Variants in PDE6C observed in about 807,000 individuals in gnomAD.
PDE6C encodes the protein phosphodiesterase 6C.
Under a neutral mutation model 113.1 loss-of-function variants are expected in PDE6C, and 75 were observed. That is an observed-to-expected ratio of 0.66 (90% CI 0.55 to 0.80). The LOEUF (loss-of-function observed/expected upper bound fraction) is 0.80, where lower values mean the gene tolerates loss of function less well. PDE6C is among the 30% of genes least tolerant of loss of function. The pLI is 0.00. For synonymous variants in PDE6C, 375 were observed against 363.7 expected, an observed-to-expected ratio of 1.03 and a Z score of -0.35; for missense variants, 912 against 1,038.6, an observed-to-expected ratio of 0.88 and a Z score of 1.67.
In PDE6C at chr10:93,631,016, C is replaced by T. The variant is rs148679713; in HGVS notation, c.1119+1711C>T. On this transcript the variant is annotated intron_variant, in intron 8 of 21. Coordinates refer to ENST00000371447, the MANE Select transcript of PDE6C (RefSeq NM_006204.4). ...AGTCTGAACCTTAAGCAGTCATTGTCTAAACAGGGAGTGGGAATGGAGCTG... is the reference window on the plus strand; with the variant it reads ...AGTCTGAACCTTAAGCAGTCATTGTTTAAACAGGGAGTGGGAATGGAGCTG... 8.5e-5 allele frequency among the ~76,000 whole-genome samples: 13 copies of T among 152,344 alleles called. No individual in the cohort carries two copies. In the East Asian group the frequency reaches 2.5e-3, roughly 29 times the overall value.
intron 12 of PDE6C, 85 bp from the exon 13 acceptor site, chr10:93,640,365 A>C: frequency 7.9e-7 from 1 of 1,268,054 alleles, no homozygotes; most frequent in South Asian, 1.2e-5. Flanking sequence ...TACAAGACCA[A>C]CACATCTTTT....
At chr10:93,629,740 A>C (rs755270859) in intron 8 of PDE6C, among the ~76,000 whole-genome samples, 8 of 152,150 alleles carry the variant, frequency 5.3e-5, no homozygotes, top group Non-Finnish European at 1.2e-4. Context: ...AGTTCACAAG[A>C]GGGTTCACAC....
intron 8 of PDE6C, among the ~76,000 whole-genome samples, chr10:93,633,790 A>G (rs999231507): frequency 6.6e-6 from 1 of 152,236 alleles, no homozygotes; most frequent in Non-Finnish European, 1.5e-5. Context: ...TTAGCTAAAC[A>G]GGTGTTAGAA....
intron 21 of PDE6C, 22 bp from the exon 22 acceptor site, chr10:93,665,338 T>C (rs368354473): frequency 1.5e-5 from 23 of 1,584,002 alleles, no homozygotes; most frequent in Admixed American, 1.3e-4. Flanking sequence ...CCTAATAATA[T>C]TGCTTTCCTT....
At chr10:93,621,016 C>G (rs2058443381) in intron 3 of PDE6C, 36 bp downstream of exon 3, 4 of 1,558,244 alleles carry the variant, frequency 2.6e-6, no homozygotes, top group Non-Finnish European at 3.5e-6. Flanking sequence ...TCCATGCTGA[C>G]CTATTCTGAC....
intron 15 of PDE6C, among the ~76,000 whole-genome samples, chr10:93,654,951 G>A (rs766474761): frequency 1.3e-5 from 2 of 151,514 alleles, no homozygotes; most frequent in Non-Finnish European, 2.9e-5. Context: ...GGGACCCCAG[G>A]CACATACCAC....
Position 93,649,666 on chromosome 10 carries a change from G to A in PDE6C, c.1935+3619G>A, listed in dbSNP as rs529570921. 1.6e-4 allele frequency among the ~76,000 whole-genome samples: 25 copies of A among 152,226 alleles called. 1 individual carries two copies. The East Asian group carries it at 1.9e-3, about 12-fold the overall frequency. On this transcript the variant is annotated intron_variant, in intron 15 of 21. Coordinates refer to ENST00000371447, the MANE Select transcript of PDE6C (RefSeq NM_006204.4). ...GTTGCCCAGGCTGGAGTACAGTGGCGTGATCTCAACTCACTGCAACCTCCG... is the reference window on the plus strand; with the variant it reads ...GTTGCCCAGGCTGGAGTACAGTGGCATGATCTCAACTCACTGCAACCTCCG...
rs1375318560 is a variant in PDE6C, at chr10:93,620,885, C to G, written c.634-6C>G. 2 of 1,613,616 alleles carry G rather than the reference C, an allele frequency of 1.2e-6. No individual in the cohort carries two copies. The highest frequency in any genetic ancestry group is 1.7e-6 in the Non-Finnish European group (2 of 1,179,494). On this transcript the variant is annotated splice_region_variant and splice_polypyrimidine_tract_variant and intron_variant, in intron 2 of 21. Coordinates refer to ENST00000371447, the MANE Select transcript of PDE6C (RefSeq NM_006204.4). ...ACCATAACTTGTTATTCTCTGCCGT[C>G]TGTAGGTCTTTTCCAAATACCTCAA...
chr10:93,643,616 C>T (rs2058569665), intron 14 of PDE6C, among the ~76,000 whole-genome samples: 1 of 151,886 alleles, frequency 6.6e-6, no homozygotes, highest in Non-Finnish European at 1.5e-5. Context: ...GTGTTGAACT[C>T]CTGGGCTCAA....
At chr10:93,661,658 A>C (rs532423225) in intron 18 of PDE6C, among the ~76,000 whole-genome samples, 23 of 152,336 alleles carry the variant, frequency 1.5e-4, no homozygotes, top group African/African-American at 5.3e-4. Context: ...AATTAGGTAA[A>C]GCTACATACT....
chr10:93,664,888 G>A (rs950788675), intron 21 of PDE6C, among the ~76,000 whole-genome samples: 16 of 152,050 alleles, frequency 1.1e-4, no homozygotes, highest in African/African-American at 2.9e-4. Flanking sequence ...TTTTTGAGAC[G>A]GAGTCTCACT....
At chr10:93,653,647 A>AAAAAACAAAAAC (rs548310248) in intron 15 of PDE6C, among the ~76,000 whole-genome samples, 14 of 150,244 alleles carry the variant, frequency 9.3e-5, no homozygotes, top group African/African-American at 3.0e-4. Flanking sequence ...CCATCTCAAA[A>AAAAAACAAAAAC]AAAAACAAAA....
intron 20 of PDE6C, 113 bp downstream of exon 20, chr10:93,662,756 C>A: frequency 1.4e-6 from 1 of 705,420 alleles, no homozygotes; most frequent in Non-Finnish European, 2.6e-6. Flanking sequence ...TGGGGTATCA[C>A]TGTTTCTCCA....
Position 93,625,657 on chromosome 10 carries a change from C to A in PDE6C, c.939+8C>A, listed in dbSNP as rs757019766. 4.4e-6 allele frequency: 7 copies of A among 1,595,270 alleles called. No homozygotes were observed. The highest frequency in any genetic ancestry group is 5.2e-6 in the Non-Finnish European group (6 of 1,163,090). On this transcript the variant is annotated splice_region_variant and intron_variant, in intron 5 of 21. Coordinates refer to ENST00000371447, the MANE Select transcript of PDE6C (RefSeq NM_006204.4). ...AAGACACCTGATGGCAGGGTACGTG[C>A]AAATGTCTTCCTTGATGCCATCTGT... is the stretch of plus-strand genomic sequence containing the variant.
intron 3 of PDE6C, among the ~76,000 whole-genome samples, 196 bp downstream of exon 3, chr10:93,621,176 C>T (rs1285235802): frequency 6.6e-6 from 1 of 152,170 alleles, no homozygotes; most frequent in Non-Finnish European, 1.5e-5. Flanking sequence ...ACCCCAAGCT[C>T]TCCAATTGTG....
chr10:93,618,552 A>G (rs186023733), intron 1 of PDE6C, among the ~76,000 whole-genome samples: 34 of 152,322 alleles, frequency 2.2e-4, no homozygotes, highest in Admixed American at 2.0e-3. Flanking sequence ...GGTATAGAAG[A>G]GATCTGGAGT....
rs1207398592 is a variant in PDE6C, at chr10:93,665,527, C to A, written c.*109C>A. On this transcript the variant is annotated 3_prime_UTR_variant, in exon 22 of 22. Coordinates refer to ENST00000371447, the MANE Select transcript of PDE6C (RefSeq NM_006204.4). ...TCACGTAACAGGATCTTCAGAAAAA[C>A]TACCCTGTGACTATGAAGAAAATAT... 6.3e-6 allele frequency: 5 copies of A among 794,198 alleles called. No individual in the cohort carries two copies. Among genetic ancestry groups the A allele is most frequent in the Non-Finnish European group, 1.1e-5 (5 of 456,560 alleles). 49.2% of individuals were successfully genotyped at this position (794,198 alleles called of 1,614,324 possible). A position where few individuals can be genotyped will look rare whatever the true frequency, so the allele number is the denominator to read the frequency against.
chr10:93,663,358 C>T (rs565443371), intron 21 of PDE6C, among the ~76,000 whole-genome samples, 180 bp downstream of exon 21: 1 of 152,286 alleles, frequency 6.6e-6, no homozygotes, highest in Admixed American at 6.5e-5. Context: ...CCACAGACAA[C>T]ATCTTATGTA....
At chr10:93,655,657 A>AAAAATGTTG in intron 15 of PDE6C, 103 bp from the exon 16 acceptor site, 3 of 717,060 alleles carry the variant, frequency 4.2e-6, no homozygotes, top group African/African-American at 1.8e-5. Context: ...AAACAAACAA[A>AAAAATGTTG]AAAGTGTTGA....
Sources: gnomAD v4.1 joint callset for allele counts (sites outside exome capture counted in the v4.1 genomes callset) on GRCh38, gnomAD v4.1.1 for gene constraint, MANE v1.5 for transcripts, NCBI Gene and HGNC (gene_info 2026-07-23, HGNC 2026-07-21) for gene names.